The following STIM2 variants were observed in gnomAD, a reference collection of about 807,000 sequenced individuals.
The protein encoded by STIM2 is stromal interaction molecule 2.
A neutral mutation model predicts 85.8 loss-of-function variants in STIM2; 31 were observed. The ratio of observed to expected loss-of-function variants is 0.36; its 90% CI spans 0.27 to 0.49. The LOEUF is 0.49. Ranked by LOEUF, STIM2 falls within the 20% of genes least tolerant of loss-of-function variation. The pLI is 0.98. For synonymous variants in STIM2, 356 were observed against 331.1 expected, an observed-to-expected ratio of 1.08 and a Z score of -0.82; for missense variants, 841 against 927.6, an observed-to-expected ratio of 0.91 and a Z score of 1.21.
At chr4:26,883,900 C>A (rs1050001170) in intron 1 of STIM2, among the ~76,000 whole-genome samples, 1 of 152,140 alleles carries the variant, frequency 6.6e-6, no homozygotes, top group Non-Finnish European at 1.5e-5. Flanking sequence ...TATTATATAG[C>A]CATGAAATTG....
intron 10 of STIM2, among the ~76,000 whole-genome samples, chr4:27,017,263 AG>A (rs554102243): frequency 3.9e-5 from 6 of 152,236 alleles, no homozygotes; most frequent in Non-Finnish European, 8.8e-5. Context: ...ACAGTAGTTA[AG>A]TGATTTCCTT....
intron 5 of STIM2, 110 bp downstream of exon 5, chr4:26,999,457 T>C (rs191579969): frequency 7.3e-4 from 342 of 465,774 alleles, no homozygotes; most frequent in Non-Finnish European, 1.1e-3. Context: ...AAGAATCATC[T>C]ATTACCTGTG....
At chr4:26,893,229 TTCA>T (rs1723561872) in intron 1 of STIM2, among the ~76,000 whole-genome samples, 13 of 152,200 alleles carry the variant, frequency 8.5e-5, no homozygotes, top group Admixed American at 8.5e-4. Flanking sequence ...GAAATAGAAC[TTCA>T]TCAACACCCC....
rs1409026680 is a variant in STIM2 at position 27,002,956 on chromosome 4, A to T, written c.833A>T (p.Asn278Ile). ...GAAAAGGCACAGGAAGAAAACAGAA[A>T]TGTTGCTGTAGAAAAGCAAAATTTA... is the stretch of plus-strand genomic sequence containing the variant. Residue 278 changes from asparagine to isoleucine, a missense_variant, in exon 7 of 12, where the codon AAT (asparagine) becomes ATT (isoleucine). Around this residue, in one of 3 missense-constraint regions of STIM2, gnomAD observed 408 missense variants for 525.4 expected, o/e 0.78. Transcript: ENST00000467087. 1 of 1,590,190 alleles carries T rather than the reference A, an allele frequency of 6.3e-7. No individual in the cohort carries two copies. Among genetic ancestry groups the T allele is most frequent in the Non-Finnish European group, 8.5e-7 (1 of 1,171,806 alleles).
intron 1 of STIM2, among the ~76,000 whole-genome samples, chr4:26,906,134 A>G (rs1428537021): frequency 6.6e-6 from 1 of 152,196 alleles, no homozygotes; most frequent in African/African-American, 2.4e-5. Context: ...AGCAACATGG[A>G]TAGAGCTGGA....
At chr4:26,975,501 G>C (rs548772287) in intron 3 of STIM2, among the ~76,000 whole-genome samples, 1 of 152,256 alleles carries the variant, frequency 6.6e-6, no homozygotes, top group Non-Finnish European at 1.5e-5. Context: ...GTCAGGTGCA[G>C]GTCTGTTGGA....
intron 1 of STIM2, among the ~76,000 whole-genome samples, chr4:26,907,996 G>T (rs1724192899): frequency 6.6e-6 from 1 of 152,076 alleles, no homozygotes; most frequent in South Asian, 2.1e-4. Context: ...CATTTTTGTT[G>T]CTGAGACCAA....
intron 3 of STIM2, among the ~76,000 whole-genome samples, chr4:26,965,643 T>G (rs1726688717): frequency 6.6e-6 from 1 of 152,104 alleles, no homozygotes; most frequent in Non-Finnish European, 1.5e-5. Flanking sequence ...TCTCTTTCTC[T>G]TTTTGTTTTA....
chr4:26,907,185 T>C (rs1724163402), intron 1 of STIM2, among the ~76,000 whole-genome samples: 1 of 152,176 alleles, frequency 6.6e-6, no homozygotes, highest in South Asian at 2.1e-4. Flanking sequence ...TTTTTAGTGT[T>C]ATTTTCAGTA....
chr4:26,868,207 A>G (rs1722474522), intron 1 of STIM2, among the ~76,000 whole-genome samples: 1 of 152,252 alleles, frequency 6.6e-6, no homozygotes, highest in East Asian at 1.9e-4. Context: ...TTGGAGCCAC[A>G]GAGCCTGGCA....
intron 10 of STIM2, among the ~76,000 whole-genome samples, chr4:27,010,985 C>T (rs149422744): frequency 6.6e-5 from 10 of 152,274 alleles, no homozygotes; most frequent in Non-Finnish European, 1.3e-4. Context: ...ATAAAGCCAT[C>T]CACACACACT....
chr4:27,003,260 G>C lies in STIM2; in HGVS notation c.981+156G>C, dbSNP rs552731377. On this transcript the variant is annotated intron_variant, in intron 7 of 11. Coordinates refer to ENST00000467087, the MANE Select transcript of STIM2 (RefSeq NM_020860.4). ...GTTTATGTTGTTAGCATTGATCAAA[G>C]TTCATATAGCAAAATAACACAGTAG... 2.6e-5 allele frequency among the ~76,000 whole-genome samples: 4 copies of C among 152,230 alleles called. No homozygotes were observed. The East Asian group carries it at 7.7e-4, about 29-fold the overall frequency.
intron 1 of STIM2, among the ~76,000 whole-genome samples, chr4:26,885,383 T>TTTGCCTA (rs1723177954): frequency 1.3e-5 from 2 of 152,190 alleles, no homozygotes; most frequent in African/African-American, 4.8e-5. Context: ...AGTATGTGCC[T>TTTGCCTA]TTGCCTAAGG....
At chr4:26,889,023 A>T (rs1723363803) in intron 1 of STIM2, among the ~76,000 whole-genome samples, 1 of 152,148 alleles carries the variant, frequency 6.6e-6, no homozygotes, top group Non-Finnish European at 1.5e-5. Context: ...TCCCAGTGGA[A>T]ACAGTCCTCT....
Position 27,017,880 on chromosome 4 carries a change from C to T in STIM2, c.1659C>T (p.Ser553=), listed in dbSNP as rs143746145. 146 of 1,614,052 alleles carry T rather than the reference C, an allele frequency of 9.0e-5. No individual in the cohort carries two copies. Among genetic ancestry groups the T allele is most frequent in the Non-Finnish European group, 1.2e-4 (138 of 1,180,026 alleles). ...ACCACCCGCAACACACACCACACTC[C>T]TTGCCTTCCCCTGATCCAGATATCC... The change falls in exon 11 of 12, where the codon TCC becomes TCT. Residue 553 remains serine (S), a synonymous_variant. Transcript: ENST00000467087.
intron 1 of STIM2, among the ~76,000 whole-genome samples, chr4:26,878,292 C>T (rs1722886438): frequency 6.6e-6 from 1 of 152,140 alleles, no homozygotes. Context: ...CCTTCTCCCC[C>T]TAATCTTTCC....
At chr4:26,865,976 TTAGA>T (rs1168835982) in intron 1 of STIM2, among the ~76,000 whole-genome samples, 1 of 120,844 alleles carries the variant, frequency 8.3e-6, no homozygotes, top group African/African-American at 3.2e-5. Context: ...ACTAATCCTG[TTAGA>T]TAGCTACTGT....
At chr4:26,906,511 C>A (rs1249520766) in intron 1 of STIM2, among the ~76,000 whole-genome samples, 1 of 140,502 alleles carries the variant, frequency 7.1e-6, no homozygotes, top group Admixed American at 7.4e-5. Context: ...TGGACTAGTG[C>A]GATCATAATG....
chr4:26,952,850 T>C (rs1399388199), intron 2 of STIM2, among the ~76,000 whole-genome samples: 1 of 152,164 alleles, frequency 6.6e-6, no homozygotes, highest in Admixed American at 6.6e-5. Flanking sequence ...ACTTCCAGAA[T>C]TGGGTCTCCT....
Sources: allele counts gnomAD v4.1 joint callset (sites outside exome capture counted in the v4.1 genomes callset), GRCh38; gene constraint gnomAD v4.1.1; regional missense constraint gnomAD v4.1.1; transcripts MANE v1.5; gene names NCBI Gene and HGNC (gene_info 2026-07-23, HGNC 2026-07-21).